BCAS3: variants seen among roughly 807,000 people sequenced by gnomAD.
The protein encoded by BCAS3 is BCAS3 microtubule associated cell migration factor, also known as BCAS4/BCAS3 fusion.
Under a neutral mutation model 116.1 loss-of-function variants are expected in BCAS3, and 53 were observed. The observed-to-expected ratio is 0.46, with a 90% CI of 0.37 to 0.57. The LOEUF is 0.57. Ranked by LOEUF, BCAS3 falls within the 20% of genes least tolerant of loss-of-function variation. The probability of loss-of-function intolerance (pLI) is 0.00; values close to 1 mark genes in which losing one functional copy is unlikely to be tolerated. For synonymous variants in BCAS3, 391 were observed against 408.2 expected, an observed-to-expected ratio of 0.96 and a Z score of 0.51; for missense variants, 917 against 1,165.4, an observed-to-expected ratio of 0.79 and a Z score of 3.10.
At chr17:60,825,769 T>C (rs1212210509) in intron 7 of BCAS3, among the ~76,000 whole-genome samples, 1 of 151,252 alleles carries the variant, frequency 6.6e-6, no homozygotes, top group Admixed American at 6.6e-5. Context: ...AGGTTGCTAA[T>C]CCCATTCATG....
chr17:61,385,245 C>A (rs1833928483), intron 23 of BCAS3, among the ~76,000 whole-genome samples: 2 of 152,318 alleles, frequency 1.3e-5, no homozygotes, highest in African/African-American at 4.8e-5. Context: ...TCTCCAGGTG[C>A]CAGCGCCAGC....
intron 11 of BCAS3, among the ~76,000 whole-genome samples, chr17:60,910,256 G>A (rs1051233156): frequency 2.0e-5 from 3 of 152,166 alleles, no homozygotes; most frequent in Admixed American, 6.5e-5. Flanking sequence ...GTACCCTTAT[G>A]TAAAACAGAG....
At position 61,229,114 on chromosome 17, in the gene BCAS3, A is replaced by G. The variant is rs949108974; in HGVS notation, c.2426-139213A>G. Among the ~76,000 whole-genome samples, 2 of 152,218 alleles carry G rather than the reference A, an allele frequency of 1.3e-5. No individual in the cohort carries two copies. Among genetic ancestry groups the G allele is most frequent in the African/African-American group, 4.8e-5 (2 of 41,464 alleles). ...AACATTTCTCAAACTGTTGGCCTCAAGCAATCCTCTTGCCTCGGCCTCCCA... is the reference window on the plus strand; with the variant it reads ...AACATTTCTCAAACTGTTGGCCTCAGGCAATCCTCTTGCCTCGGCCTCCCA... On this transcript the variant is annotated intron_variant, in intron 22 of 23. Coordinates refer to ENST00000407086, the MANE Select transcript of BCAS3 (RefSeq NM_017679.5). The surrounding 1 kb of genome is among the most constrained non-coding windows in gnomAD (Gnocchi z 4.4).
chr17:61,365,482 C>T lies in BCAS3; in HGVS notation c.2426-2845C>T, dbSNP rs1217083432. Among the ~76,000 whole-genome samples the T allele has an allele frequency of 2.6e-5, 4 of 152,006 alleles. No individual in the cohort carries two copies. Among genetic ancestry groups the T allele is most frequent in the Admixed American group, 6.5e-5 (1 of 15,274 alleles). On this transcript the variant is annotated intron_variant, in intron 22 of 23. Transcript: ENST00000407086. The surrounding 1 kb of genome is among the most constrained non-coding windows in gnomAD (Gnocchi z 4.6). ...TCGAGTAGCTGGGATTGCAGGTGCC[C>T]GCCACCATGCCCAGCTAACTTTTGT... is the stretch of plus-strand genomic sequence containing the variant.
chr17:61,218,957 A>C (rs2081958767), intron 22 of BCAS3, among the ~76,000 whole-genome samples: 2 of 152,216 alleles, frequency 1.3e-5, no homozygotes, highest in African/African-American at 4.8e-5. Flanking sequence ...TTCTAAAGTA[A>C]TTAGAATTAG....
rs930182091 is a variant in BCAS3 at position 61,213,361 on chromosome 17, G to C, written c.2425+128797G>C. Among the ~76,000 whole-genome samples the C allele has an allele frequency of 6.6e-6, 1 of 151,932 alleles. No individual in the cohort carries two copies. Among genetic ancestry groups the C allele is most frequent in the African/African-American group, 2.4e-5 (1 of 41,360 alleles). ...ATTTTTGTATTTTTAGTAGAAACGG[G>C]GTTTCACCAGCTTGGCCAGGCTGGT... On this transcript the variant is annotated intron_variant, in intron 22 of 23. Transcript: ENST00000407086. This position sits in a 1 kb window ranked among gnomAD's most constrained non-coding sequence, Gnocchi z 5.4.
chr17:60,688,222 G>A (rs1473524141), intron 3 of BCAS3: 2 of 152,174 alleles, frequency 1.3e-5, no homozygotes, highest in East Asian at 3.9e-4. Flanking sequence ...AATGTCTGGG[G>A]TTTAATAGTA....
At chr17:60,888,852 C>T (rs1257928831) in intron 9 of BCAS3, among the ~76,000 whole-genome samples, 10 of 151,908 alleles carry the variant, frequency 6.6e-5, no homozygotes, top group African/African-American at 1.2e-4. Flanking sequence ...CTTTTCAAGA[C>T]GAAAATTCAA....
At chr17:61,298,648 A>G (rs950370891) in intron 22 of BCAS3, among the ~76,000 whole-genome samples, 1 of 152,058 alleles carries the variant, frequency 6.6e-6, no homozygotes, top group African/African-American at 2.4e-5. Context: ...TCCAAAAGGG[A>G]GCCAGAATCC....
At chr17:61,170,212 T>G (rs2078757229) in intron 22 of BCAS3, among the ~76,000 whole-genome samples, 1 of 151,888 alleles carries the variant, frequency 6.6e-6, no homozygotes, top group Admixed American at 6.6e-5. Flanking sequence ...AGGCCTTCAA[T>G]AAATGCAGGC....
chr17:60,874,750 T>A lies in BCAS3; in HGVS notation c.661+12T>A, dbSNP rs1394760140. 1 of 1,576,704 alleles carries A rather than the reference T, an allele frequency of 6.3e-7. No individual in the cohort carries two copies. The highest frequency in any genetic ancestry group is 8.7e-7 in the Non-Finnish European group (1 of 1,153,270). ...ATTCTTTGTTACAAGTATGTACCAA[T>A]TTTTTTTCCCTTCTTATGCCTTTGG... On this transcript the variant is annotated intron_variant, in intron 9 of 23. Coordinates refer to ENST00000407086, the MANE Select transcript of BCAS3 (RefSeq NM_017679.5).
At position 61,213,621 on chromosome 17, in the gene BCAS3, C is replaced by T. The variant is rs543957991; in HGVS notation, c.2425+129057C>T. Among the ~76,000 whole-genome samples the T allele has an allele frequency of 6.6e-6, 1 of 152,162 alleles. No individual in the cohort carries two copies. The highest frequency in any genetic ancestry group is 2.4e-5 in the African/African-American group (1 of 41,444). ...CCACTCCTTTCATTTTAGCTCTTCTCTCTTCCTGACCTATAACTGTCTTTA... is the reference window on the plus strand; with the variant it reads ...CCACTCCTTTCATTTTAGCTCTTCTTTCTTCCTGACCTATAACTGTCTTTA... On this transcript the variant is annotated intron_variant, in intron 22 of 23. Coordinates refer to ENST00000407086, the MANE Select transcript of BCAS3 (RefSeq NM_017679.5). The surrounding 1 kb of genome is among the most constrained non-coding windows in gnomAD (Gnocchi z 5.4).
intron 22 of BCAS3, among the ~76,000 whole-genome samples, chr17:61,210,311 G>A (rs1473774683): frequency 6.6e-6 from 1 of 152,072 alleles, no homozygotes; most frequent in African/African-American, 2.4e-5. Flanking sequence ...TAACCTGGTG[G>A]GTTTGATCCT....
chr17:60,799,735 T>TTTTTAA (rs1429156594), intron 6 of BCAS3, among the ~76,000 whole-genome samples: 1 of 100,498 alleles, frequency 1.0e-5, no homozygotes, highest in Admixed American at 1.1e-4. Flanking sequence ...TTTTTTTTTT[T>TTTTTAA]AGTAGAACTG....
intron 5 of BCAS3, among the ~76,000 whole-genome samples, chr17:60,740,498 C>CAAAAAAAAAAAAAAAA: frequency 1.7e-5 from 1 of 58,356 alleles, no homozygotes; most frequent in East Asian, 5.2e-4. Flanking sequence ...GACCCTGTCT[C>CAAAAAAAAAAAAAAAA]AAAAAAAAAA....
rs150369114 is a variant in BCAS3 at position 61,352,938 on chromosome 17, C to A, written c.2426-15389C>A. ...TTTGCTTTAATGGAGTGTTAACCCCCGTCGCTGGAACTCATGTTAATGCCT... is the reference window on the plus strand; with the variant it reads ...TTTGCTTTAATGGAGTGTTAACCCCAGTCGCTGGAACTCATGTTAATGCCT... On this transcript the variant is annotated intron_variant, in intron 22 of 23. Transcript: ENST00000407086. The surrounding 1 kb of genome is among the most constrained non-coding windows in gnomAD (Gnocchi z 4.7). Among the ~76,000 whole-genome samples the A allele has an allele frequency of 1.7e-4, 26 of 152,324 alleles. No individual in the cohort carries two copies. Among genetic ancestry groups the A allele is most frequent in the Admixed American group, 1.6e-3 (25 of 15,306 alleles).
intron 19 of BCAS3, among the ~76,000 whole-genome samples, chr17:61,074,012 G>C (rs945445574): frequency 1.3e-5 from 2 of 151,624 alleles, no homozygotes; most frequent in Admixed American, 6.6e-5. Context: ...ATTAGACTGA[G>C]GTGAGAAGAT....
intron 23 of BCAS3, among the ~76,000 whole-genome samples, chr17:61,371,522 A>G (rs1485090864): frequency 6.6e-6 from 1 of 152,146 alleles, no homozygotes; most frequent in Non-Finnish European, 1.5e-5. Flanking sequence ...CAGCATGGTG[A>G]CTCTAGTTAA....
In BCAS3 at chr17:61,392,181, A is replaced by G; in HGVS notation, c.*56A>G. 6.3e-7 allele frequency: 1 copy of G among 1,575,942 alleles called. No individual in the cohort carries two copies. The highest frequency in any genetic ancestry group is 8.7e-7 in the Non-Finnish European group (1 of 1,154,604). On this transcript the variant is annotated 3_prime_UTR_variant, in exon 24 of 24. Coordinates refer to ENST00000407086, the MANE Select transcript of BCAS3 (RefSeq NM_017679.5). This position sits in a 1 kb window ranked among gnomAD's most constrained non-coding sequence, Gnocchi z 6.4. The stretch of plus-strand genomic sequence containing the variant: ...CCCCTCCCCTGCTGGAGGAGGGGAG[A>G]AGCCCCGCTCTGGTCCTACCCTTCA...
Sources: gnomAD v4.1 joint callset for allele counts (sites outside exome capture counted in the v4.1 genomes callset) on GRCh38, gnomAD v4.1.1 for gene constraint, Gnocchi (gnomAD v3.1) non-coding constraint, MANE v1.5 for transcripts, NCBI Gene and HGNC (gene_info 2026-07-23, HGNC 2026-07-21) for gene names.